Variants in STARD13 observed in about 807,000 individuals in gnomAD.
STARD13 encodes the protein stAR-related lipid transfer protein 13.
A neutral mutation model predicts 106.4 loss-of-function variants in STARD13; 62 were observed. The observed-to-expected ratio is 0.58, with a 90% confidence interval of 0.48 to 0.72. The LOEUF is 0.72. Ranked by LOEUF, STARD13 falls within the 30% of genes least tolerant of loss-of-function variation. STARD13 has a pLI of 0.00. For missense variants in STARD13, 1,387 were observed against 1,424.0 expected (o/e 0.97, Z 0.42); for synonymous variants, 565 against 553.0 (o/e 1.02, Z -0.31).
chr13:33,126,286 T>G (rs776849901), intron 6 of STARD13, 46 bp from the exon 7 acceptor site: 4 of 1,595,122 alleles, frequency 2.5e-6, no homozygotes. Context: ...TGGGTCACAC[T>G]GTGGGGTGAG....
chr13:33,643,188 C>G, the STARD13 span, among the ~76,000 whole-genome samples: 1 of 145,108 alleles, frequency 6.9e-6, no homozygotes, highest in African/African-American at 2.6e-5. Flanking sequence ...CACACACACA[C>G]ACACACACAC....
At chr13:33,528,942 C>T in the STARD13 span, among the ~76,000 whole-genome samples, 1 of 152,120 alleles carries the variant, frequency 6.6e-6, no homozygotes, top group Non-Finnish European at 1.5e-5. Flanking sequence ...AATTACTTAA[C>T]CTCCCAATGC....
chr13:33,121,876 G>A (rs1393271912), intron 7 of STARD13, among the ~76,000 whole-genome samples: 4 of 148,638 alleles, frequency 2.7e-5, no homozygotes, highest in Non-Finnish European at 3.0e-5. Flanking sequence ...ATAAAGTCTC[G>A]CTCTTATCCC....
the STARD13 span, among the ~76,000 whole-genome samples, chr13:33,476,981 T>A: frequency 0.3 from 45,419 of 152,026 alleles, 7,674 homozygotes; most frequent in Non-Finnish European, 0.39. Context: ...TCCTTTGAGG[T>A]CCAGGGACTA....
the STARD13 span, among the ~76,000 whole-genome samples, chr13:33,464,244 T>A: frequency 1.3e-5 from 2 of 151,968 alleles, no homozygotes; most frequent in Non-Finnish European, 2.9e-5. Context: ...ATAAAGGGTA[T>A]TTTATTATAC....
chr13:33,176,385 C>A (rs771695552), intron 1 of STARD13, among the ~76,000 whole-genome samples: 1 of 152,168 alleles, frequency 6.6e-6, no homozygotes. Flanking sequence ...TAGGCAACAG[C>A]ATTGGCAGTA....
the STARD13 span, among the ~76,000 whole-genome samples, chr13:33,651,412 T>C: frequency 1.3e-5 from 2 of 152,348 alleles, no homozygotes; most frequent in East Asian, 3.9e-4. Context: ...ACTAGCGTGA[T>C]CATCATTCCG....
At chr13:33,323,282 T>C (rs1225446715) in intron 1 of STARD13, among the ~76,000 whole-genome samples, 1 of 152,150 alleles carries the variant, frequency 6.6e-6, no homozygotes, top group Non-Finnish European at 1.5e-5. Flanking sequence ...CACTGCCTTG[T>C]ACGCCCTTCC....
chr13:33,322,659 G>T (rs1893604231), intron 1 of STARD13, among the ~76,000 whole-genome samples: 1 of 152,224 alleles, frequency 6.6e-6, no homozygotes, highest in Non-Finnish European at 1.5e-5. Flanking sequence ...CAGCTATTCA[G>T]AAATAGGATC....
chr13:33,220,180 A>C (rs369524010), intron 1 of STARD13, among the ~76,000 whole-genome samples: 13 of 152,362 alleles, frequency 8.5e-5, no homozygotes, highest in Non-Finnish European at 1.5e-4. Context: ...ATACAAATGG[A>C]GAACACATGT....
the STARD13 span, among the ~76,000 whole-genome samples, chr13:33,660,720 A>T: frequency 2.3e-4 from 35 of 152,328 alleles, no homozygotes; most frequent in African/African-American, 7.2e-4. Flanking sequence ...AGTAGCTGGA[A>T]ATAGAGGTGA....
Position 33,142,326 on chromosome 13 carries a change from T to C in STARD13, c.371A>G (p.Asn124Ser), listed in dbSNP as rs781677805. The C allele has an allele frequency of 6.2e-7, 1 of 1,614,090 alleles. No individual in the cohort carries two copies. The highest frequency in any genetic ancestry group is 1.1e-5 in the South Asian group (1 of 91,078). Reference sequence around the variant, plus strand: ...GGCACCTACCTTTTTCCTTTGGAAGTTCACATCAAGTTTCATTGAGGCACA... The same window carrying C: ...GGCACCTACCTTTTTCCTTTGGAAGCTCACATCAAGTTTCATTGAGGCACA... ...NKCASMKLDV[N>S]FQRKKGDDSD... Residue 124 changes from asparagine (N) to serine (S), a missense_variant, in exon 4 of 14, where the codon AAC (asparagine) becomes AGC (serine). By Grantham distance (46) the Asn-to-Ser change is conservative. Transcript: ENST00000336934.
At chr13:33,417,772 G>C in the STARD13 span, among the ~76,000 whole-genome samples, 10 of 151,968 alleles carry the variant, frequency 6.6e-5, no homozygotes, top group East Asian at 1.9e-4. Context: ...AGGTAAGACT[G>C]GGGGGGAAAT....
the STARD13 span, among the ~76,000 whole-genome samples, chr13:33,540,489 A>G: frequency 2.6e-5 from 4 of 152,354 alleles, no homozygotes; most frequent in East Asian, 7.7e-4. Flanking sequence ...GGAGGCACAG[A>G]GAGAGGCAGC....
intron 1 of STARD13, among the ~76,000 whole-genome samples, chr13:33,211,568 T>C (rs548793440): frequency 6.6e-6 from 1 of 152,328 alleles, no homozygotes; most frequent in South Asian, 2.1e-4. Flanking sequence ...GGATAGTATT[T>C]GCATTTAACC....
chr13:33,449,295 G>A, the STARD13 span, among the ~76,000 whole-genome samples: 2 of 152,094 alleles, frequency 1.3e-5, no homozygotes, highest in South Asian at 2.1e-4. Context: ...TGAGAGAAAA[G>A]GGTCTAGTTT....
At chr13:33,495,263 T>C in the STARD13 span, among the ~76,000 whole-genome samples, 1 of 152,222 alleles carries the variant, frequency 6.6e-6, no homozygotes, top group African/African-American at 2.4e-5. Context: ...ACATTAGGTT[T>C]TCTTAGACAT....
chr13:33,545,810 C>G, the STARD13 span, among the ~76,000 whole-genome samples: 1 of 152,210 alleles, frequency 6.6e-6, no homozygotes, highest in Non-Finnish European at 1.5e-5. Context: ...CCTTCACCTT[C>G]ACCCACAAGT....
At chr13:33,308,886 T>G (rs760535811) in intron 1 of STARD13, among the ~76,000 whole-genome samples, 5 of 152,204 alleles carry the variant, frequency 3.3e-5, no homozygotes, top group Non-Finnish European at 7.3e-5. Context: ...GAATACCCAT[T>G]TCCTCCCATA....
Sources: allele counts gnomAD v4.1 joint callset (sites outside exome capture counted in the v4.1 genomes callset), GRCh38; gene constraint gnomAD v4.1.1; transcripts MANE v1.5; gene names NCBI Gene and HGNC (gene_info 2026-07-23, HGNC 2026-07-21).